The following NAV1 variants were observed in gnomAD, a reference collection of about 807,000 sequenced individuals.
The protein encoded by NAV1 is pore membrane and/or filament interacting like protein 3.
NAV1 carries 18 observed loss-of-function variants against 175.2 expected under a neutral mutation model. The ratio of observed to expected loss-of-function variants is 0.10; its 90% confidence interval spans 0.07 to 0.15. NAV1 has a LOEUF of 0.15. Ranked by LOEUF, NAV1 falls within the 10% of genes least tolerant of loss-of-function variation. The probability of loss-of-function intolerance (pLI) is 1.00; values close to 1 mark genes in which losing one functional copy is unlikely to be tolerated. For synonymous variants in NAV1, 897 were observed against 978.7 expected, an observed-to-expected ratio of 0.92 and a Z score of 1.56; for missense variants, 1,731 against 2,436.6, an observed-to-expected ratio of 0.71 and a Z score of 6.10.
rs771196258 is a variant in NAV1 at position 201,783,768 on chromosome 1, C to T, written c.2720C>T (p.Pro907Leu). The T allele has an allele frequency of 3.7e-6, 6 of 1,614,182 alleles. 1 individual carries two copies. The highest frequency in any genetic ancestry group is 2.2e-5 in the South Asian group (2 of 91,074). The change falls in exon 7 of 30, where the codon CCA becomes CTA. Residue 907 changes from proline to leucine, a missense_variant. By Grantham distance (98) the Pro-to-Leu change is moderately conservative (BLOSUM62 -3). Transcript: ENST00000367296. Reference sequence around the variant, plus strand: ...CCCAGCAGTACTCCCGTCCCCACCCCACCTGCTCCCCCTGCTGCTCCCACA... The same window carrying T: ...CCCAGCAGTACTCCCGTCCCCACCCTACCTGCTCCCCCTGCTGCTCCCACA...
chr1:201,737,281 TC>T (rs1372789970), intron 3 of NAV1: 1 of 152,064 alleles, frequency 6.6e-6, no homozygotes, highest in Admixed American at 6.5e-5. Context: ...CACCATAACC[TC>T]CACGAAGCAG....
upstream of NAV1, among the ~76,000 whole-genome samples, chr1:201,645,040 C>G (rs1668928206): frequency 6.6e-6 from 1 of 152,098 alleles, no homozygotes; most frequent in Non-Finnish European, 1.5e-5. Context: ...AATTTGAGAG[C>G]CCATTACTGG....
At chr1:201,785,054 T>C (rs567237740) in intron 7 of NAV1, among the ~76,000 whole-genome samples, 3 of 152,338 alleles carry the variant, frequency 2.0e-5, no homozygotes, top group South Asian at 2.1e-4. Flanking sequence ...AGGCGTGAGC[T>C]ACGGCGCCCG....
At chr1:201,758,718 C>T (rs1343147118) in intron 3 of NAV1, among the ~76,000 whole-genome samples, 2 of 152,242 alleles carry the variant, frequency 1.3e-5, no homozygotes, top group Non-Finnish European at 2.9e-5. Context: ...AAATAATGCA[C>T]TGCAGAAGTA....
intron 15 of NAV1, among the ~76,000 whole-genome samples, chr1:201,802,448 C>T (rs1182688782): frequency 1.8e-5 from 2 of 112,246 alleles, no homozygotes; most frequent in African/African-American, 6.7e-5. Context: ...CAGCAAGACC[C>T]TGTCTCATTA....
chr1:201,804,119 T>C (rs942850337), intron 16 of NAV1: 5 of 444,620 alleles, frequency 1.1e-5, no homozygotes, highest in African/African-American at 1.0e-4. Flanking sequence ...GTCATTTCTT[T>C]AATTTTTGGG....
At chr1:201,816,499 T>G (rs1381595305) in intron 28 of NAV1, among the ~76,000 whole-genome samples, 1 of 152,114 alleles carries the variant, frequency 6.6e-6, no homozygotes, top group African/African-American at 2.4e-5. Context: ...GATTAAAAAA[T>G]GAATAAAATA....
intron 28 of NAV1, among the ~76,000 whole-genome samples, chr1:201,814,767 C>T (rs372100976): frequency 7.2e-5 from 11 of 151,824 alleles, no homozygotes; most frequent in African/African-American, 1.7e-4. Flanking sequence ...AAGCCGGGTG[C>T]GGTGGCTCAC....
chr1:201,620,684 G>T (rs571043956), upstream of NAV1, among the ~76,000 whole-genome samples: 42 of 151,928 alleles, frequency 2.8e-4, no homozygotes, highest in Non-Finnish European at 5.0e-4. Context: ...GGTCAGGCTG[G>T]TCTCAAACTC....
chr1:201,818,164 G>C (rs1679178613), intron 29 of NAV1, among the ~76,000 whole-genome samples: 1 of 152,086 alleles, frequency 6.6e-6, no homozygotes, highest in Non-Finnish European at 1.5e-5. Context: ...GGGAAGTTGA[G>C]GCTACAGTGA....
chr1:201,785,035 T>C (rs1676628885), intron 7 of NAV1, among the ~76,000 whole-genome samples: 1 of 152,230 alleles, frequency 6.6e-6, no homozygotes, highest in African/African-American at 2.4e-5. Context: ...GCCAAAGTGC[T>C]GGGATTACAG....
chr1:201,781,700 T>C (rs1043258808), intron 5 of NAV1, among the ~76,000 whole-genome samples: 10 of 152,132 alleles, frequency 6.6e-5, no homozygotes, highest in Non-Finnish European at 1.3e-4. Flanking sequence ...CTCAGGAAGA[T>C]CCTAAGAAAA....
chr1:201,782,803 C>T lies in NAV1; in HGVS notation c.2291C>T (p.Thr764Ile). The T allele has an allele frequency of 6.2e-7, 1 of 1,610,862 alleles. No individual in the cohort carries two copies. Among genetic ancestry groups the T allele is most frequent in the Non-Finnish European group, 8.5e-7 (1 of 1,177,962 alleles). The change falls in exon 6 of 30, where the codon ACT becomes ATT. Residue 764 changes from threonine (T) to isoleucine (I), a missense_variant. Physicochemically the swap from Thr to Ile is moderately conservative, Grantham distance 89. Transcript: ENST00000367296. This position sits in a 1 kb window ranked among gnomAD's most constrained non-coding sequence, Gnocchi z 5.4. Reference sequence around the variant, plus strand: ...AAGAGTATTGGCTCCCCAGAAAGTACTCCCAAGAACCAAGCAAGCCACCCC... The same window carrying T: ...AAGAGTATTGGCTCCCCAGAAAGTATTCCCAAGAACCAAGCAAGCCACCCC...
At chr1:201,542,819 A>G (rs1164806511) in intron 1 of NAV1, among the ~76,000 whole-genome samples, 1 of 152,230 alleles carries the variant, frequency 6.6e-6, no homozygotes, top group Non-Finnish European at 1.5e-5. Context: ...ACCGTTACTA[A>G]CAAGATGATT....
intron 1 of NAV1, among the ~76,000 whole-genome samples, chr1:201,581,713 C>T (rs1375273315): frequency 6.6e-6 from 1 of 151,630 alleles, no homozygotes; most frequent in African/African-American, 2.4e-5. Context: ...CCTGTTATCC[C>T]AGCTACTCTG....
At chr1:201,556,267 A>C (rs1374772507) in intron 1 of NAV1, among the ~76,000 whole-genome samples, 1 of 151,986 alleles carries the variant, frequency 6.6e-6, no homozygotes, top group Non-Finnish European at 1.5e-5. Flanking sequence ...AAAATAAAAA[A>C]ATTAGTCGGG....
intron 1 of NAV1, among the ~76,000 whole-genome samples, chr1:201,665,638 C>T (rs778447853): frequency 7.5e-6 from 1 of 134,080 alleles, no homozygotes; most frequent in Non-Finnish European, 1.5e-5. Context: ...ATCACCTTCA[C>T]TCCTCCCTTG....
chr1:201,614,184 T>G (rs1446508812), intron 2 of NAV1, among the ~76,000 whole-genome samples: 2 of 152,170 alleles, frequency 1.3e-5, no homozygotes, highest in Non-Finnish European at 2.9e-5. Flanking sequence ...CTGTAAATAT[T>G]TTCCTTGTCC....
intron 3 of NAV1, among the ~76,000 whole-genome samples, chr1:201,736,286 A>G (rs1380504342): frequency 6.6e-6 from 1 of 152,192 alleles, no homozygotes; most frequent in Non-Finnish European, 1.5e-5. Flanking sequence ...GCTCACCAGG[A>G]AATCGGGTAT....
Sources: allele counts gnomAD v4.1 joint callset (sites outside exome capture counted in the v4.1 genomes callset), GRCh38; gene constraint gnomAD v4.1.1; non-coding constraint Gnocchi (gnomAD v3.1); transcripts MANE v1.5; gene names NCBI Gene and HGNC (gene_info 2026-07-23, HGNC 2026-07-21).